The following ARHGAP10 variants were observed in gnomAD, a reference collection of about 807,000 sequenced individuals.
ARHGAP10 encodes rho GTPase-activating protein 10.
Under a neutral mutation model 108.6 loss-of-function variants are expected in ARHGAP10, and 87 were observed. The observed-to-expected ratio is 0.80, with a 90% CI of 0.67 to 0.96. The LOEUF (loss-of-function observed/expected upper bound fraction) is 0.96. Among genes scored for constraint, ARHGAP10 ranks in the 40% least tolerant of loss-of-function variants. ARHGAP10 has a pLI of 0.00. For synonymous variants in ARHGAP10, 347 were observed against 341.1 expected (o/e 1.02, Z -0.19); for missense variants, 939 against 954.5 (o/e 0.98, Z 0.21).
intron 1 of ARHGAP10, among the ~76,000 whole-genome samples, chr4:147,734,860 A>G (rs536065659): frequency 2.6e-5 from 4 of 152,364 alleles, no homozygotes; most frequent in African/African-American, 9.6e-5. Flanking sequence ...TACAGAAAGA[A>G]TAAAACCCAC....
At chr4:147,792,897 C>A (rs1309307654) in intron 1 of ARHGAP10, among the ~76,000 whole-genome samples, 1 of 152,154 alleles carries the variant, frequency 6.6e-6, no homozygotes, top group Non-Finnish European at 1.5e-5. Context: ...CTCCTGTAAT[C>A]CCAGCACTTT....
At chr4:147,782,807 A>G (rs1730591019) in intron 1 of ARHGAP10, 1 of 149,128 alleles carries the variant, frequency 6.7e-6, no homozygotes, top group Non-Finnish European at 1.5e-5. Context: ...TGAGTTATTC[A>G]CAGCTCAGCT....
chr4:147,873,890 G>GA (rs1271013505), intron 7 of ARHGAP10, among the ~76,000 whole-genome samples: 6 of 138,440 alleles, frequency 4.3e-5, no homozygotes, highest in African/African-American at 1.6e-4. Flanking sequence ...AAAAAAAAAA[G>GA]GGGGGATAAG....
At chr4:148,009,639 T>A (rs1443034585) in intron 18 of ARHGAP10, among the ~76,000 whole-genome samples, 2 of 152,236 alleles carry the variant, frequency 1.3e-5, no homozygotes. Flanking sequence ...ATGTTTCTAG[T>A]GAACTTGTAG....
intron 13 of ARHGAP10, among the ~76,000 whole-genome samples, chr4:147,922,702 A>G (rs916369026): frequency 1.3e-5 from 2 of 151,960 alleles, no homozygotes; most frequent in Non-Finnish European, 2.9e-5. Context: ...AAAAAAAAAA[A>G]AAAAAATTTT....
At chr4:147,924,546 T>C (rs573281191) in intron 13 of ARHGAP10, among the ~76,000 whole-genome samples, 1 of 152,288 alleles carries the variant, frequency 6.6e-6, no homozygotes, top group African/African-American at 2.4e-5. Flanking sequence ...TATTTTCAAG[T>C]AGTGCTGAAG....
intron 19 of ARHGAP10, among the ~76,000 whole-genome samples, chr4:148,044,452 T>G (rs1728788038): frequency 6.6e-6 from 1 of 152,146 alleles, no homozygotes; most frequent in Non-Finnish European, 1.5e-5. Context: ...AGGGCCTGGG[T>G]CCAGCCTCCT....
chr4:148,057,640 A>C (rs1729420027), intron 20 of ARHGAP10, among the ~76,000 whole-genome samples: 1 of 152,236 alleles, frequency 6.6e-6, no homozygotes. Flanking sequence ...CAGCTTCAGC[A>C]TTAGCTCCGC....
chr4:148,068,043 G>A (rs1729976543), intron 22 of ARHGAP10, among the ~76,000 whole-genome samples: 1 of 151,960 alleles, frequency 6.6e-6, no homozygotes, highest in Non-Finnish European at 1.5e-5. Context: ...TGACGTTCCT[G>A]TGATGGCCAG....
intron 3 of ARHGAP10, among the ~76,000 whole-genome samples, chr4:147,830,903 A>G (rs1732932115): frequency 1.3e-5 from 2 of 152,266 alleles, no homozygotes; most frequent in African/African-American, 4.8e-5. Flanking sequence ...ATGATGGTTA[A>G]AATGAGTTAA....
At chr4:147,986,981 G>A (rs1036956960) in intron 18 of ARHGAP10, among the ~76,000 whole-genome samples, 2 of 152,166 alleles carry the variant, frequency 1.3e-5, no homozygotes, top group African/African-American at 4.8e-5. Flanking sequence ...CATTGTGACT[G>A]TTTAATAGGC....
chr4:147,992,477 C>T (rs546733711), intron 18 of ARHGAP10, among the ~76,000 whole-genome samples: 65 of 152,212 alleles, frequency 4.3e-4, no homozygotes, highest in African/African-American at 1.2e-3. Context: ...GCGCTATCTC[C>T]GCTTACTGCA....
intron 9 of ARHGAP10, among the ~76,000 whole-genome samples, chr4:147,881,423 AG>A (rs1735323633): frequency 6.6e-6 from 1 of 152,122 alleles, no homozygotes; most frequent in Non-Finnish European, 1.5e-5. Context: ...GGATCATCTG[AG>A]GTCAGGAGAT....
At chr4:147,826,433 G>C (rs1005689625) in intron 3 of ARHGAP10, among the ~76,000 whole-genome samples, 3 of 152,168 alleles carry the variant, frequency 2.0e-5, no homozygotes, top group African/African-American at 7.2e-5. Context: ...TGAACCTTAG[G>C]AGTGGTGTGG....
Position 147,784,777 on chromosome 4 carries a change from ATATAT to A in ARHGAP10, c.155-37945_155-37941del, listed in dbSNP as rs1464564652. On this transcript the variant is annotated intron_variant, in intron 1 of 22. Coordinates refer to ENST00000336498, the MANE Select transcript of ARHGAP10 (RefSeq NM_024605.4). ...TTATAAAATGTATATTATAAATATA[ATATAT>A]TATAAAATATATATTATAAATATAA... 1.0e-3 allele frequency among the ~76,000 whole-genome samples: 31 copies of A among 31,048 alleles called. 9 individuals carry two copies. Among genetic ancestry groups the A allele is most frequent in the East Asian group, 3.0e-3 (2 of 658 alleles). The allele number at this position is 31,048 out of a possible 152,430, so 20.4% of individuals were successfully genotyped here.
At chr4:148,067,216 A>G (rs1308546783) in intron 22 of ARHGAP10, among the ~76,000 whole-genome samples, 2 of 152,272 alleles carry the variant, frequency 1.3e-5, no homozygotes, top group African/African-American at 4.8e-5. Flanking sequence ...AATCAACAGC[A>G]TTAGGCTTGC....
At chr4:148,051,173 G>A (rs1729118471) in intron 20 of ARHGAP10, among the ~76,000 whole-genome samples, 2 of 152,216 alleles carry the variant, frequency 1.3e-5, no homozygotes. Flanking sequence ...TTCTGCTGAT[G>A]TTCATGACTT....
chr4:147,867,645 C>A (rs867037436), intron 7 of ARHGAP10, among the ~76,000 whole-genome samples: 1 of 151,970 alleles, frequency 6.6e-6, no homozygotes, highest in Non-Finnish European at 1.5e-5. Flanking sequence ...GCGGGCAGAT[C>A]GCGAGGTCAA....
chr4:147,810,113 G>C (rs1731960336), intron 1 of ARHGAP10, among the ~76,000 whole-genome samples: 1 of 152,164 alleles, frequency 6.6e-6, no homozygotes, highest in African/African-American at 2.4e-5. Flanking sequence ...GCGGGAAGAA[G>C]AAAGGAGTGA....
Sources: gnomAD v4.1 joint callset for allele counts (sites outside exome capture counted in the v4.1 genomes callset) on GRCh38, gnomAD v4.1.1 for gene constraint, MANE v1.5 for transcripts, NCBI Gene and HGNC (gene_info 2026-07-23, HGNC 2026-07-21) for gene names.